Variants in OTOGL observed in about 807,000 individuals in gnomAD.
OTOGL encodes otogelin-like protein.
In OTOGL, 285 loss-of-function variants were observed where a neutral mutation model predicts 318.5. The observed-to-expected ratio is 0.89, with a 90% CI of 0.81 to 0.99. OTOGL has a LOEUF of 0.99. Among genes scored for constraint, OTOGL ranks in the 50% least tolerant of loss-of-function variants. The probability of loss-of-function intolerance (pLI) is 0.00; values close to 1 mark genes in which losing one functional copy is unlikely to be tolerated. For synonymous variants in OTOGL, 987 were observed against 936.5 expected, an observed-to-expected ratio of 1.05 and a Z score of -0.99; for missense variants, 2,899 against 2,845.6, an observed-to-expected ratio of 1.02 and a Z score of -0.43.
intron 53 of OTOGL, 109 bp from the exon 54 acceptor site, chr12:80,367,452 A>G (rs1179233029): frequency 1.2e-6 from 1 of 809,680 alleles, no homozygotes. Flanking sequence ...TTAGTTTTGA[A>G]AAATTGGCAC....
At chr12:80,129,129 G>A (rs750126113) in intron 1 of OTOGL, among the ~76,000 whole-genome samples, 21 of 152,146 alleles carry the variant, frequency 1.4e-4, no homozygotes, top group East Asian at 1.9e-4. Flanking sequence ...CTTCTGCGTC[G>A]CTCATGCTGG....
At chr12:80,368,093 CTTACAG>C in intron 54 of OTOGL, 106 bp from the exon 55 acceptor site, 1 of 766,844 alleles carries the variant, frequency 1.3e-6, no homozygotes, top group East Asian at 2.7e-5. Context: ...CTTAGAAATC[CTTACAG>C]TTGTCTGGAA....
chr12:80,258,837 G>T (rs975066198), intron 18 of OTOGL, among the ~76,000 whole-genome samples: 1 of 152,030 alleles, frequency 6.6e-6, no homozygotes. Context: ...GGAAGATGTT[G>T]GTCAAAGGGT....
chr12:80,254,907 G>A lies in OTOGL; in HGVS notation c.1442-133G>A, dbSNP rs1479962421. 34 of 763,534 alleles carry A rather than the reference G, an allele frequency of 4.5e-5. No individual in the cohort carries two copies. In the Admixed American group the frequency reaches 1.3e-3, roughly 29 times the overall value. The allele number at this position is 763,534 out of a possible 1,614,324, so 47.3% of individuals were successfully genotyped here. On this transcript the variant is annotated intron_variant, in intron 15 of 58. Coordinates refer to ENST00000547103, the MANE Select transcript of OTOGL (RefSeq NM_001378609.3). The stretch of plus-strand genomic sequence containing the variant: ...AAATACAACACAGTAGATTTTCAAA[G>A]TTTTGATGCATGATTATTTACCCTA...
At chr12:80,209,568 T>C (rs1877082935) in intron 2 of OTOGL, 58 bp downstream of exon 2, 1 of 1,189,738 alleles carries the variant, frequency 8.4e-7, no homozygotes, top group African/African-American at 1.5e-5. Flanking sequence ...TCTCTTACAA[T>C]TTATACAAAT....
chr12:80,254,616 A>G, intron 15 of OTOGL, 46 bp downstream of exon 15: 1 of 1,494,990 alleles, frequency 6.7e-7, no homozygotes, highest in Non-Finnish European at 9.3e-7. Context: ...AAATTTCTTT[A>G]GACTGGGGAG....
rs549641533 is a variant in OTOGL, at chr12:80,160,659, A to G, written c.-19-48754A>G. Among the ~76,000 whole-genome samples, 16 of 152,286 alleles carry G rather than the reference A, an allele frequency of 1.1e-4. No individual in the cohort carries two copies. In the South Asian group the frequency reaches 2.9e-3, roughly 28 times the overall value. On this transcript the variant is annotated intron_variant, in intron 1 of 58. Coordinates refer to ENST00000547103, the MANE Select transcript of OTOGL (RefSeq NM_001378609.3). ...GGGAATGTAAAGTAGTGCAGCCACT[A>G]TGAAAAACCGTGTGGAGATTCTTTC...
At chr12:80,158,040 A>G (rs1204665069) in intron 1 of OTOGL, among the ~76,000 whole-genome samples, 7 of 152,184 alleles carry the variant, frequency 4.6e-5, no homozygotes, top group Non-Finnish European at 8.8e-5. Context: ...TAAACTAAGT[A>G]GAAATTAGTA....
At chr12:80,337,769 G>T (rs1411678946) in intron 42 of OTOGL, among the ~76,000 whole-genome samples, 1 of 152,038 alleles carries the variant, frequency 6.6e-6, no homozygotes, top group African/African-American at 2.4e-5. Context: ...TAGGTCCATA[G>T]ATTCTAGACT....
chr12:80,258,074 G>A, intron 18 of OTOGL, 72 bp downstream of exon 18: 1 of 1,303,600 alleles, frequency 7.7e-7, no homozygotes, highest in Non-Finnish European at 1.0e-6. Flanking sequence ...CATTAAAAAT[G>A]TTTACTTAAC....
chr12:80,152,060 G>A (rs1213105127), intron 1 of OTOGL, among the ~76,000 whole-genome samples: 2 of 152,098 alleles, frequency 1.3e-5, no homozygotes, highest in Admixed American at 1.3e-4. Flanking sequence ...CTACTCAATT[G>A]AGAACAGTAC....
chr12:80,323,113 C>G (rs1445800144), intron 34 of OTOGL, among the ~76,000 whole-genome samples: 2 of 66,600 alleles, frequency 3.0e-5, no homozygotes, highest in East Asian at 4.9e-4. Context: ...CACACACACA[C>G]ACACACACAC....
chr12:80,278,084 A>G, intron 24 of OTOGL, 84 bp from the exon 25 acceptor site: 2 of 1,031,808 alleles, frequency 1.9e-6, no homozygotes, highest in South Asian at 2.9e-5. Context: ...TATAGATGAC[A>G]GTGTTAATAT....
intron 44 of OTOGL, among the ~76,000 whole-genome samples, chr12:80,342,713 A>C (rs1888861056): frequency 6.6e-6 from 1 of 152,186 alleles, no homozygotes; most frequent in African/African-American, 2.4e-5. Flanking sequence ...CATCTAGTAC[A>C]TAGAAATCAC....
At chr12:80,315,269 T>C (rs925395470) in intron 32 of OTOGL, among the ~76,000 whole-genome samples, 4 of 152,310 alleles carry the variant, frequency 2.6e-5, no homozygotes, top group African/African-American at 9.6e-5. Flanking sequence ...TTTGCCATCA[T>C]TGTAGGCAAA....
chr12:80,280,227 T>C (rs1884124240), intron 26 of OTOGL, among the ~76,000 whole-genome samples: 1 of 151,816 alleles, frequency 6.6e-6, no homozygotes, highest in Non-Finnish European at 1.5e-5. Context: ...TTGCAAATAT[T>C]TTCTCCCATT....
At chr12:80,336,184 T>A (rs748263076) in intron 39 of OTOGL, 44 bp downstream of exon 39, 12 of 1,433,300 alleles carry the variant, frequency 8.4e-6, no homozygotes, top group Middle Eastern at 3.6e-4. Context: ...TTTTTTTTTT[T>A]AATCTGGAGA....
chr12:80,112,375 T>G (rs1592461303), intron 1 of OTOGL, among the ~76,000 whole-genome samples: 1 of 152,210 alleles, frequency 6.6e-6, no homozygotes, highest in Non-Finnish European at 1.5e-5. Flanking sequence ...GTATTGGCTG[T>G]GGGTTTGTCA....
At chr12:80,304,243 T>C (rs1025925847) in intron 28 of OTOGL, among the ~76,000 whole-genome samples, 2 of 152,198 alleles carry the variant, frequency 1.3e-5, no homozygotes, top group African/African-American at 4.8e-5. Context: ...CTGAGTTGTT[T>C]ATAATTTTTG....
Sources: gnomAD v4.1 joint callset for allele counts (sites outside exome capture counted in the v4.1 genomes callset) on GRCh38, gnomAD v4.1.1 for gene constraint, MANE v1.5 for transcripts, NCBI Gene and HGNC (gene_info 2026-07-23, HGNC 2026-07-21) for gene names.